CCDC171: variants seen among roughly 807,000 people sequenced by gnomAD.
The protein encoded by CCDC171 is coiled-coil domain containing 171.
Under a neutral mutation model 168.2 loss-of-function variants are expected in CCDC171, and 177 were observed. That is an observed-to-expected ratio of 1.05 (90% CI 0.93 to 1.19). The LOEUF (loss-of-function observed/expected upper bound fraction) is 1.19. Among genes scored for constraint, CCDC171 ranks in the 50% most tolerant of loss-of-function variants. CCDC171 has a pLI of 0.00. For missense variants in CCDC171, 1,991 were observed against 1,539.0 expected, an observed-to-expected ratio of 1.29 and a Z score of -4.91; for synonymous variants, 687 against 540.8, an observed-to-expected ratio of 1.27 and a Z score of -3.75.
At chr9:15,737,760 A>G (rs1300708796) in intron 16 of CCDC171, among the ~76,000 whole-genome samples, 1 of 152,216 alleles carries the variant, frequency 6.6e-6, no homozygotes, top group Admixed American at 6.5e-5. Context: ...TTAAAATTAA[A>G]TAACCATTAT....
chr9:15,702,556 C>A (rs1366175483), intron 11 of CCDC171, among the ~76,000 whole-genome samples: 2 of 152,038 alleles, frequency 1.3e-5, no homozygotes, highest in African/African-American at 4.8e-5. Flanking sequence ...CACATTAGCC[C>A]CTAACAAGAG....
intron 1 of CCDC171, among the ~76,000 whole-genome samples, chr9:16,057,357 G>A (rs996461746): frequency 1.3e-5 from 2 of 152,162 alleles, no homozygotes; most frequent in Admixed American, 6.5e-5. Context: ...TCTGATAAAC[G>A]GTAGTGGGAA....
At chr9:15,731,371 C>T (rs78874714) in intron 16 of CCDC171, among the ~76,000 whole-genome samples, 20 of 152,198 alleles carry the variant, frequency 1.3e-4, no homozygotes, top group East Asian at 9.6e-4. Flanking sequence ...GTCAGTTTTA[C>T]GCCTCATAGG....
At chr9:15,643,871 T>C (rs2132595092) in intron 7 of CCDC171, among the ~76,000 whole-genome samples, 1 of 152,338 alleles carries the variant, frequency 6.6e-6, no homozygotes, top group African/African-American at 2.4e-5. Flanking sequence ...TATATATGCT[T>C]TCAAGGTTAA....
intron 11 of CCDC171, among the ~76,000 whole-genome samples, chr9:15,703,667 T>C (rs1344743593): frequency 6.6e-6 from 1 of 152,242 alleles, no homozygotes; most frequent in East Asian, 1.9e-4. Flanking sequence ...GATGGACACT[T>C]ATGTGGATTC....
At position 16,059,582 on chromosome 9, in the gene CCDC171, T is replaced by C. The variant is rs1444937998; in HGVS notation, n.90-1064T>C. Among the ~76,000 whole-genome samples the C allele has an allele frequency of 6.5e-5, 9 of 138,014 alleles. No individual in the cohort carries two copies. The East Asian group carries it at 1.8e-3, about 28-fold the overall frequency. 90.5% of individuals were successfully genotyped at this position (138,014 alleles called of 152,430 possible). A position where few individuals can be genotyped will look rare whatever the true frequency, so the allele number is the denominator to read the frequency against. The stretch of plus-strand genomic sequence containing the variant: ...GACTGCGGACTGCAGTGGCGCAATC[T>C]CGGCTCACTGCAAGCTCCGCTTCCC... On this transcript the variant is annotated intron_variant and non_coding_transcript_variant, in intron 1 of 1. Coordinates refer to the CCDC171 transcript ENST00000478913.
At chr9:15,978,655 C>G (rs1456838188), downstream of CCDC171, among the ~76,000 whole-genome samples, 2 of 152,176 alleles carry the variant, frequency 1.3e-5, no homozygotes, top group African/African-American at 2.4e-5. Flanking sequence ...CTAGATTTAT[C>G]TGCTTCACAA....
chr9:15,578,212 T>C (rs1240813599), intron 3 of CCDC171, among the ~76,000 whole-genome samples: 4 of 151,610 alleles, frequency 2.6e-5, no homozygotes, highest in Admixed American at 2.6e-4. Flanking sequence ...TGTTTGTTTG[T>C]TTTTTAGGTA....
At chr9:15,732,229 G>A (rs1294568558) in intron 16 of CCDC171, among the ~76,000 whole-genome samples, 1 of 151,932 alleles carries the variant, frequency 6.6e-6, no homozygotes, top group Non-Finnish European at 1.5e-5. Flanking sequence ...TTGGCTATTT[G>A]TTTATATATG....
intron 4 of CCDC171, among the ~76,000 whole-genome samples, chr9:15,589,665 G>C (rs1417089241): frequency 1.3e-5 from 2 of 152,078 alleles, no homozygotes; most frequent in African/African-American, 2.4e-5. Flanking sequence ...ATTATTGTTT[G>C]TGAAAAATAT....
At chr9:15,845,423 A>G (rs957172768) in intron 21 of CCDC171, among the ~76,000 whole-genome samples, 6 of 152,020 alleles carry the variant, frequency 3.9e-5, no homozygotes, top group Non-Finnish European at 5.9e-5. Context: ...GAATGACTGA[A>G]TTTTAAAACT....
intron 25 of CCDC171, among the ~76,000 whole-genome samples, chr9:15,955,044 A>G (rs940745964): frequency 2.6e-5 from 4 of 152,136 alleles, no homozygotes; most frequent in African/African-American, 7.2e-5. Context: ...TTTGAATAGA[A>G]TAATATAGTA....
At chr9:15,826,508 T>A (rs1178791112) in intron 21 of CCDC171, among the ~76,000 whole-genome samples, 2 of 152,200 alleles carry the variant, frequency 1.3e-5, no homozygotes, top group Non-Finnish European at 2.9e-5. Flanking sequence ...TTTGAGACTA[T>A]GTCATAAAGA....
chr9:15,825,208 A>G (rs76899530), intron 21 of CCDC171, among the ~76,000 whole-genome samples: 5 of 152,250 alleles, frequency 3.3e-5, no homozygotes, highest in East Asian at 1.9e-4. Flanking sequence ...TTAGATTGCT[A>G]TAGTCTCCTG....
At chr9:15,783,477 T>A (rs2057772844) in intron 20 of CCDC171, among the ~76,000 whole-genome samples, 1 of 152,328 alleles carries the variant, frequency 6.6e-6, no homozygotes, top group South Asian at 2.1e-4. Flanking sequence ...CATCCTTTTT[T>A]ACAATGGGAA....
intron 21 of CCDC171, among the ~76,000 whole-genome samples, chr9:15,787,642 C>G (rs2058038453): frequency 6.6e-6 from 1 of 152,030 alleles, no homozygotes; most frequent in Non-Finnish European, 1.5e-5. Context: ...GGATGAATTC[C>G]TAGATGAGGA....
Position 15,623,345 on chromosome 9 carries a change from T to C in CCDC171, c.754T>C (p.Leu252=). Residue 252 remains leucine, a synonymous_variant, in exon 7 of 26, where the codon TTA becomes CTA. Transcript: ENST00000380701. ...ETEHMDCSDL[L]RRQTSELEFS... Reference sequence around the variant, plus strand: ...AGAACATATGGACTGCTCTGACCTTTTACGGCGACAAACAAGTGAACTTGA... The same window carrying C: ...AGAACATATGGACTGCTCTGACCTTCTACGGCGACAAACAAGTGAACTTGA... 1 of 1,612,262 alleles carries C rather than the reference T, an allele frequency of 6.2e-7. No individual in the cohort carries two copies. The highest frequency in any genetic ancestry group is 1.1e-5 in the South Asian group (1 of 90,748).
chr9:15,645,496 T>A (rs911810728), intron 7 of CCDC171, among the ~76,000 whole-genome samples: 1 of 152,014 alleles, frequency 6.6e-6, no homozygotes, highest in Non-Finnish European at 1.5e-5. Flanking sequence ...CTAAAAATGT[T>A]GAAAAAAGGT....
chr9:15,953,370 T>G (rs1465451783), intron 25 of CCDC171, among the ~76,000 whole-genome samples: 1 of 152,154 alleles, frequency 6.6e-6, no homozygotes, highest in Non-Finnish European at 1.5e-5. Flanking sequence ...CCTAGTTTGT[T>G]GAGAGTTTTA....
Sources: gnomAD v4.1 joint callset for allele counts (sites outside exome capture counted in the v4.1 genomes callset) on GRCh38, gnomAD v4.1.1 for gene constraint, MANE v1.5 for transcripts, NCBI Gene and HGNC (gene_info 2026-07-23, HGNC 2026-07-21) for gene names.